CHST9: variants seen among roughly 807,000 people sequenced by gnomAD.
CHST9 encodes GalNAc-4-sulfotransferase 2.
CHST9 carries 41 observed loss-of-function variants against 44.4 expected under a neutral mutation model. The observed-to-expected ratio is 0.92, with a 90% CI of 0.72 to 1.20. The LOEUF is 1.20. CHST9 is among the 50% of genes most tolerant of loss of function. The pLI is 0.00. For missense variants in CHST9, 504 were observed against 516.5 expected, an observed-to-expected ratio of 0.98 and a Z score of 0.23; for synonymous variants, 171 against 178.4, an observed-to-expected ratio of 0.96 and a Z score of 0.33.
chr18:27,056,602 T>G (rs1291678844), intron 2 of CHST9, among the ~76,000 whole-genome samples: 3 of 152,212 alleles, frequency 2.0e-5, no homozygotes, highest in Admixed American at 2.0e-4. Context: ...AATCTCTACA[T>G]GTTTTGAGTG....
At chr18:26,958,353 T>C in intron 4 of CHST9, among the ~76,000 whole-genome samples, 1 of 151,832 alleles carries the variant, frequency 6.6e-6, no homozygotes, top group East Asian at 1.9e-4. Flanking sequence ...GTAATGAAAA[T>C]TCCCATAGGA....
intron 4 of CHST9, among the ~76,000 whole-genome samples, chr18:27,018,908 C>T (rs945407801): frequency 1.3e-5 from 2 of 152,156 alleles, no homozygotes. Context: ...TACCCTCTAA[C>T]CTTCGTGACA....
intron 4 of CHST9, among the ~76,000 whole-genome samples, chr18:27,003,519 G>A (rs1041490980): frequency 6.6e-5 from 10 of 152,086 alleles, no homozygotes; most frequent in African/African-American, 2.2e-4. Flanking sequence ...GGTAATTTCC[G>A]CAGATAGGGT....
rs779983593 is a variant in CHST9, at chr18:26,916,221, C to T, written c.*38G>A. The T allele has an allele frequency of 3.6e-6, 5 of 1,379,978 alleles. No individual in the cohort carries two copies. Among genetic ancestry groups the T allele is most frequent in the East Asian group, 2.3e-5 (1 of 43,266 alleles). 85.5% of individuals were successfully genotyped at this position (1,379,978 alleles called of 1,614,324 possible). A position where few individuals can be genotyped will look rare whatever the true frequency, so the allele number is the denominator to read the frequency against. Reference sequence around the variant, plus strand: ...ATTACAGCTGATTTGAACTTATCATCATTAAGTATATACAGGGTTTTAGAA... The same window carrying T: ...ATTACAGCTGATTTGAACTTATCATTATTAAGTATATACAGGGTTTTAGAA... On this transcript the variant is annotated 3_prime_UTR_variant, in exon 6 of 6. Coordinates refer to ENST00000618847, the MANE Select transcript of CHST9 (RefSeq NM_031422.6).
At chr18:27,179,091 TC>T (rs2058890773) in intron 1 of CHST9, among the ~76,000 whole-genome samples, 1 of 150,410 alleles carries the variant, frequency 6.6e-6, no homozygotes, top group South Asian at 2.1e-4. Flanking sequence ...TCTCTCTCTC[TC>T]TCTCTCTCTC....
chr18:27,175,805 A>C (rs544230389), intron 1 of CHST9, among the ~76,000 whole-genome samples: 2 of 152,188 alleles, frequency 1.3e-5, no homozygotes, highest in East Asian at 3.9e-4. Flanking sequence ...GGACCATCAA[A>C]ACCAGATGGA....
intron 5 of CHST9, among the ~76,000 whole-genome samples, chr18:26,923,059 T>C (rs1017553293): frequency 3.9e-5 from 6 of 152,252 alleles, no homozygotes; most frequent in African/African-American, 1.4e-4. Context: ...GCACCTCCTA[T>C]ACATCAGGTT....
At chr18:26,965,250 G>A (rs1568112368) in intron 4 of CHST9, among the ~76,000 whole-genome samples, 3 of 152,174 alleles carry the variant, frequency 2.0e-5, no homozygotes, top group Admixed American at 2.0e-4. Context: ...CCTGCAATGT[G>A]TTTCATAAAA....
At chr18:27,161,485 A>G (rs2058746456) in intron 1 of CHST9, among the ~76,000 whole-genome samples, 2 of 152,186 alleles carry the variant, frequency 1.3e-5, no homozygotes, top group South Asian at 4.1e-4. Context: ...ACAGTTTGTT[A>G]TAATTTCTAT....
chr18:26,935,517 A>T (rs1470269487), intron 5 of CHST9: 1 of 152,244 alleles, frequency 6.6e-6, no homozygotes, highest in Non-Finnish European at 1.5e-5. Flanking sequence ...TTATGGTCAC[A>T]TTTTAATCAA....
Position 26,916,966 on chromosome 18 carries a change from C to A in CHST9, c.625G>T (p.Glu209Ter). The A allele has an allele frequency of 1.2e-6, 2 of 1,613,872 alleles. No homozygotes were observed. The highest frequency in any genetic ancestry group is 1.7e-6 in the Non-Finnish European group (2 of 1,179,854). The change falls in exon 6 of 6, where the codon GAA becomes TAA. Residue 209 changes from glutamate to a stop codon, truncating the protein, a stop_gained. Coordinates refer to ENST00000618847, the MANE Select transcript of CHST9 (RefSeq NM_031422.6). LOFTEE classifies it high-confidence loss of function. ...LFHTVSRIYVEDKHKILYCEV... is the reference protein window; with the variant it reads ...LFHTVSRIYV ...CAATATAAGATTTTGTGTTTATCTTCTACATAGATTCTGGATACTGTATGA... is the reference window on the plus strand; with the variant it reads ...CAATATAAGATTTTGTGTTTATCTTATACATAGATTCTGGATACTGTATGA...
chr18:27,129,800 G>A (rs564226473), intron 2 of CHST9, among the ~76,000 whole-genome samples: 11 of 152,130 alleles, frequency 7.2e-5, no homozygotes, highest in African/African-American at 2.7e-4. Context: ...TCTGGGGCTG[G>A]TACAGTAGTA....
intron 2 of CHST9, among the ~76,000 whole-genome samples, chr18:27,134,184 G>C (rs972650753): frequency 6.6e-6 from 1 of 152,146 alleles, no homozygotes; most frequent in South Asian, 2.1e-4. Context: ...TCATCAGAGA[G>C]GCTCAGGGGA....
At chr18:27,143,239 T>C (rs1394330572) in intron 1 of CHST9, among the ~76,000 whole-genome samples, 1 of 152,124 alleles carries the variant, frequency 6.6e-6, no homozygotes, top group African/African-American at 2.4e-5. Context: ...AATAACAGAA[T>C]GGGTTGTTAA....
intron 4 of CHST9, among the ~76,000 whole-genome samples, chr18:27,014,437 G>T (rs1054153267): frequency 9.1e-6 from 1 of 109,824 alleles, no homozygotes; most frequent in East Asian, 3.1e-4. Context: ...CTGGGCGACA[G>T]AGCGAGACTC....
At chr18:27,086,751 T>G (rs544421328) in intron 2 of CHST9, among the ~76,000 whole-genome samples, 1 of 152,298 alleles carries the variant, frequency 6.6e-6, no homozygotes, top group East Asian at 1.9e-4. Flanking sequence ...TTTTTTTCTT[T>G]GGAGAAAGTG....
At chr18:26,974,117 G>A (rs1465421889) in intron 4 of CHST9, among the ~76,000 whole-genome samples, 2 of 152,104 alleles carry the variant, frequency 1.3e-5, no homozygotes, top group Non-Finnish European at 2.9e-5. Context: ...TCTGAAGTAT[G>A]GCATTTGAAC....
At chr18:27,182,691 C>A (rs1022917056) in intron 1 of CHST9, among the ~76,000 whole-genome samples, 1 of 152,178 alleles carries the variant, frequency 6.6e-6, no homozygotes. Context: ...TATCTCAAAT[C>A]TTGCTTTATT....
At chr18:26,960,103 G>A (rs2056380404) in intron 4 of CHST9, among the ~76,000 whole-genome samples, 1 of 152,142 alleles carries the variant, frequency 6.6e-6, no homozygotes, top group South Asian at 2.1e-4. Context: ...GGGATGATAA[G>A]CTCGGTTTAG....
Sources: gnomAD v4.1 joint callset for allele counts (sites outside exome capture counted in the v4.1 genomes callset) on GRCh38, gnomAD v4.1.1 for gene constraint, MANE v1.5 for transcripts, NCBI Gene and HGNC (gene_info 2026-07-23, HGNC 2026-07-21) for gene names.